RP1: variants seen among roughly 807,000 people sequenced by gnomAD.
RP1 encodes the protein RP1 axonemal microtubule associated, also known as oxygen-regulated protein 1.
RP1 carries 16 observed loss-of-function variants against 14.8 expected under a neutral mutation model. The ratio of observed to expected loss-of-function variants is 1.08; its 90% CI spans 0.73 to 1.65. RP1 has a LOEUF of 1.65. Ranked by LOEUF, RP1 falls within the 40% of genes most tolerant of loss-of-function variation. The pLI, the probability that RP1 is intolerant of heterozygous loss-of-function variation, is 0.00. For synonymous variants in RP1, 876 were observed against 883.6 expected (o/e 0.99, Z 0.15); for missense variants, 2,631 against 2,535.0 (o/e 1.04, Z -0.81).
At chr8:54,808,330 G>A (rs923951899) in intron 24 of RP1, among the ~76,000 whole-genome samples, 1 of 152,198 alleles carries the variant, frequency 6.6e-6, no homozygotes, top group Non-Finnish European at 1.5e-5. Flanking sequence ...TAAGATGTCT[G>A]GGGCAAATGG....
chr8:54,686,609 A>C (rs1471994691), intron 12 of RP1, among the ~76,000 whole-genome samples: 1 of 152,126 alleles, frequency 6.6e-6, no homozygotes, highest in East Asian at 1.9e-4. Context: ...TAGGTACTAG[A>C]AACAATACTG....
At chr8:54,571,512 C>G (rs1804522562) in intron 1 of RP1, among the ~76,000 whole-genome samples, 2 of 152,202 alleles carry the variant, frequency 1.3e-5, no homozygotes, top group African/African-American at 4.8e-5. Flanking sequence ...CCCCTATGCA[C>G]CCCAGTCCTG....
chr8:54,861,168 G>T lies in RP1; in HGVS notation c.4069+4062G>T, dbSNP rs189321569. ...TTCCCATATTTTCTTTTCAAACTGT[G>T]TATTATTTGGAGTCTGATAACCCAC... On this transcript the variant is annotated intron_variant, in intron 27 of 28. Coordinates refer to the RP1 transcript ENST00000637698. Among the ~76,000 whole-genome samples, 46 of 152,268 alleles carry T rather than the reference G, an allele frequency of 3.0e-4. 1 individual carries two copies. The highest frequency in any genetic ancestry group is 2.3e-3 in the Admixed American group (35 of 15,298).
At chr8:54,847,478 T>C (rs1476908225) in intron 25 of RP1, among the ~76,000 whole-genome samples, 1 of 152,210 alleles carries the variant, frequency 6.6e-6, no homozygotes, top group Non-Finnish European at 1.5e-5. Context: ...ATAATGATCT[T>C]TTGGCAGATG....
chr8:54,725,803 T>C (rs1808640172), intron 16 of RP1, among the ~76,000 whole-genome samples: 1 of 152,168 alleles, frequency 6.6e-6, no homozygotes, highest in African/African-American at 2.4e-5. Context: ...CTTAGGAGCA[T>C]ATACTATAAA....
At chr8:54,846,486 G>T (rs1395239800) in intron 25 of RP1, among the ~76,000 whole-genome samples, 2 of 152,172 alleles carry the variant, frequency 1.3e-5, no homozygotes, top group Non-Finnish European at 2.9e-5. Flanking sequence ...AAGACTGTAT[G>T]CATTTGGTAA....
At chr8:54,848,989 T>C (rs933706843) in intron 25 of RP1, among the ~76,000 whole-genome samples, 3 of 152,302 alleles carry the variant, frequency 2.0e-5, no homozygotes, top group South Asian at 4.1e-4. Flanking sequence ...CTTCAAGTGA[T>C]CCATCCACCT....
At chr8:54,765,457 CCTT>C (rs1342487418) in intron 22 of RP1, among the ~76,000 whole-genome samples, 1 of 152,208 alleles carries the variant, frequency 6.6e-6, no homozygotes. Flanking sequence ...TGAACAGCAT[CCTT>C]CTTCTGTGTA....
At chr8:54,852,034 A>G (rs930448034) in intron 25 of RP1, among the ~76,000 whole-genome samples, 4 of 152,356 alleles carry the variant, frequency 2.6e-5, no homozygotes, top group Admixed American at 6.5e-5. Context: ...AAGGACAAAT[A>G]CAGTGGATTA....
chr8:54,644,634 C>A (rs1289359170), intron 3 of RP1, among the ~76,000 whole-genome samples: 1 of 152,160 alleles, frequency 6.6e-6, no homozygotes, highest in African/African-American at 2.4e-5. Context: ...TTTCCAGAGC[C>A]TATCTAGAAA....
chr8:54,596,380 A>T (rs575118126), intron 1 of RP1, among the ~76,000 whole-genome samples: 1 of 152,218 alleles, frequency 6.6e-6, no homozygotes, highest in East Asian at 1.9e-4. Context: ...GAACAATAAT[A>T]TTCACCTCCT....
intron 1 of RP1, among the ~76,000 whole-genome samples, chr8:54,582,697 TCTC>T (rs1804825218): frequency 6.6e-6 from 1 of 152,128 alleles, no homozygotes; most frequent in Non-Finnish European, 1.5e-5. Flanking sequence ...GGTTTGTAGT[TCTC>T]CTTGAAGAAG....
In RP1 at chr8:54,857,607, A is replaced by G. The variant is rs567509779; in HGVS notation, c.4069+501A>G. ...CAAGCACATGATTATATTACACAGG[A>G]AATTTCCTAGAAAGACAAAAGCTTT... On this transcript the variant is annotated intron_variant, in intron 27 of 28. Transcript: ENST00000637698. Among the ~76,000 whole-genome samples, 40 of 152,128 alleles carry G rather than the reference A, an allele frequency of 2.6e-4. 1 individual carries two copies. Among genetic ancestry groups the G allele is most frequent in the African/African-American group, 8.0e-4 (33 of 41,498 alleles).
chr8:54,651,446 C>T (rs545244933), intron 4 of RP1, among the ~76,000 whole-genome samples: 108 of 151,862 alleles, frequency 7.1e-4, no homozygotes, highest in African/African-American at 2.6e-3. Flanking sequence ...TCTCTTTACC[C>T]TTTATAGGTC....
At chr8:54,774,544 G>GC (rs770566308), downstream of RP1, among the ~76,000 whole-genome samples, 8 of 152,210 alleles carry the variant, frequency 5.3e-5, no homozygotes, top group Non-Finnish European at 8.8e-5. Flanking sequence ...TTTGGCACAG[G>GC]CATGTCAGGA....
chr8:54,585,466 T>G (rs1318937508), intron 1 of RP1, among the ~76,000 whole-genome samples: 1 of 152,186 alleles, frequency 6.6e-6, no homozygotes, highest in Non-Finnish European at 1.5e-5. Flanking sequence ...AATCTGACAA[T>G]TATGTGTCTT....
At chr8:54,867,350 C>T (rs1218555368) in intron 28 of RP1, among the ~76,000 whole-genome samples, 2 of 152,150 alleles carry the variant, frequency 1.3e-5, no homozygotes, top group Non-Finnish European at 2.9e-5. Flanking sequence ...GTAGTAGTAG[C>T]TATTGCCATT....
intron 5 of RP1, among the ~76,000 whole-genome samples, chr8:54,653,536 T>A (rs1806697179): frequency 6.6e-6 from 1 of 152,216 alleles, no homozygotes; most frequent in African/African-American, 2.4e-5. Context: ...AAACTTACTC[T>A]TCTTGAGTTT....
intron 15 of RP1, among the ~76,000 whole-genome samples, chr8:54,716,294 C>A (rs1483114466): frequency 6.6e-6 from 1 of 152,034 alleles, no homozygotes; most frequent in African/African-American, 2.4e-5. Context: ...GCTTGTATAT[C>A]TTGGTTTCTA....
Sources: gnomAD v4.1 joint callset for allele counts (sites outside exome capture counted in the v4.1 genomes callset) on GRCh38, gnomAD v4.1.1 for gene constraint, MANE v1.5 for transcripts, NCBI Gene and HGNC (gene_info 2026-07-23, HGNC 2026-07-21) for gene names.